RGS7: variants seen among roughly 807,000 people sequenced by gnomAD.
RGS7 encodes regulator of G-protein signaling 7.
Under a neutral mutation model 81.1 loss-of-function variants are expected in RGS7, and 27 were observed. That is an observed-to-expected ratio of 0.33 (90% CI 0.25 to 0.46). The LOEUF (loss-of-function observed/expected upper bound fraction) is 0.46, where lower values mean the gene tolerates loss of function less well. RGS7 is among the 20% of genes least tolerant of loss of function. The pLI is 1.00. For missense variants in RGS7, 396 were observed against 607.4 expected (o/e 0.65, Z 3.66); for synonymous variants, 208 against 207.7 (o/e 1.00, Z -0.01).
At chr1:241,011,781 C>A (rs2058968344) in intron 3 of RGS7, among the ~76,000 whole-genome samples, 1 of 152,112 alleles carries the variant, frequency 6.6e-6, no homozygotes, top group Non-Finnish European at 1.5e-5. Context: ...TCGATTCTTA[C>A]AAAACATAGT....
At chr1:241,165,762 C>T (rs907687849) in intron 2 of RGS7, among the ~76,000 whole-genome samples, 6 of 149,810 alleles carry the variant, frequency 4.0e-5, no homozygotes, top group South Asian at 2.1e-4. Flanking sequence ...CACATGTACC[C>T]TAAAACTTAA....
At chr1:241,125,675 G>A (rs1467603406) in intron 2 of RGS7, among the ~76,000 whole-genome samples, 2 of 152,222 alleles carry the variant, frequency 1.3e-5, no homozygotes, top group African/African-American at 4.8e-5. Context: ...TAGATGCATA[G>A]TAGGTGCTTA....
intron 2 of RGS7, among the ~76,000 whole-genome samples, chr1:241,251,157 T>C (rs188121169): frequency 1.1e-3 from 168 of 152,356 alleles, no homozygotes; most frequent in African/African-American, 3.8e-3. Context: ...AATAACTATT[T>C]TGATACTGAG....
intron 4 of RGS7, among the ~76,000 whole-genome samples, chr1:240,966,169 A>C: frequency 6.6e-6 from 1 of 151,932 alleles, no homozygotes; most frequent in East Asian, 1.9e-4. Flanking sequence ...AAACTATATA[A>C]AAAAAAAGTC....
chr1:241,128,256 C>G lies in RGS7; in HGVS notation c.79-29494G>C, dbSNP rs1307588713. Among the ~76,000 whole-genome samples, 8 of 122,114 alleles carry G rather than the reference C, an allele frequency of 6.6e-5. No individual in the cohort carries two copies. In the East Asian group the frequency reaches 1.5e-3, roughly 22 times the overall value. The allele number at this position is 122,114 out of a possible 152,430, so 80.1% of individuals were successfully genotyped here. Reference sequence around the variant, plus strand: ...TGCGCCACTGCACTCCAGCCTGGGCCACAGAGCAAGACTCCGTCTCAAAAA... The same window carrying G: ...TGCGCCACTGCACTCCAGCCTGGGCGACAGAGCAAGACTCCGTCTCAAAAA... On this transcript the variant is annotated intron_variant, in intron 2 of 18. Transcript: ENST00000440928.
At chr1:240,848,060 T>C (rs140271993) in intron 9 of RGS7, among the ~76,000 whole-genome samples, 191 of 152,316 alleles carry the variant, frequency 1.3e-3, no homozygotes, top group Middle Eastern at 6.8e-3. Flanking sequence ...TCAGGGGTTC[T>C]GCAAGATCAA....
intron 6 of RGS7, among the ~76,000 whole-genome samples, chr1:240,917,830 A>T (rs1279814067): frequency 6.6e-6 from 1 of 152,152 alleles, no homozygotes; most frequent in African/African-American, 2.4e-5. Flanking sequence ...ATCAGAGTGG[A>T]TATAAAACAG....
chr1:241,280,950 TC>T, intron 2 of RGS7, among the ~76,000 whole-genome samples: 1 of 152,366 alleles, frequency 6.6e-6, no homozygotes, highest in Admixed American at 6.5e-5. Flanking sequence ...ACTATTCAGG[TC>T]CATTTATATG....
chr1:241,303,704 C>G (rs538911710), intron 2 of RGS7, among the ~76,000 whole-genome samples: 3 of 152,340 alleles, frequency 2.0e-5, no homozygotes, highest in Admixed American at 2.0e-4. Context: ...CCCAACATCT[C>G]TCTTTTTTCT....
chr1:241,073,846 G>A (rs1348506193), intron 3 of RGS7, among the ~76,000 whole-genome samples: 4 of 151,356 alleles, frequency 2.6e-5, no homozygotes, highest in South Asian at 2.1e-4. Flanking sequence ...AGTTTATGCC[G>A]TACCTTAGCG....
intron 9 of RGS7, among the ~76,000 whole-genome samples, chr1:240,840,691 T>C (rs1657785102): frequency 6.6e-6 from 1 of 152,232 alleles, no homozygotes; most frequent in African/African-American, 2.4e-5. Context: ...TCATATCACT[T>C]ACCTCCACCT....
intron 2 of RGS7, among the ~76,000 whole-genome samples, chr1:241,126,401 G>A (rs1392190684): frequency 1.3e-5 from 2 of 152,108 alleles, no homozygotes; most frequent in East Asian, 3.9e-4. Context: ...CGCCCGCCTT[G>A]GCCTCCCAAA....
intron 2 of RGS7, among the ~76,000 whole-genome samples, chr1:241,167,521 C>CTT (rs146257362): frequency 4.1e-5 from 6 of 145,304 alleles, no homozygotes; most frequent in Admixed American, 1.4e-4. Context: ...TGGTCCTCCT[C>CTT]TTTTTTTTTT....
chr1:241,221,006 A>AGAGAGAAAGGAAGGAAGG (rs1553289481), intron 2 of RGS7, among the ~76,000 whole-genome samples: 13 of 84,548 alleles, frequency 1.5e-4, no homozygotes, highest in African/African-American at 4.0e-4. Context: ...AGAGAGAGAG[A>AGAGAGAAAGGAAGGAAGG]AAGGAAGGAA....
At chr1:240,972,026 C>T (rs901187970) in intron 4 of RGS7, among the ~76,000 whole-genome samples, 5 of 152,098 alleles carry the variant, frequency 3.3e-5, no homozygotes, top group Admixed American at 2.0e-4. Flanking sequence ...CTGTAATATA[C>T]GAGTTGAAAT....
chr1:241,044,011 C>T (rs985070418), intron 3 of RGS7, among the ~76,000 whole-genome samples: 2 of 152,092 alleles, frequency 1.3e-5, no homozygotes, highest in East Asian at 1.9e-4. Context: ...CTACTACAAT[C>T]TTTGTGCTAC....
intron 3 of RGS7, among the ~76,000 whole-genome samples, chr1:241,068,257 T>TATATATATATATATATATATATA (rs1433690559): frequency 4.1e-5 from 3 of 73,276 alleles, no homozygotes; most frequent in South Asian, 6.2e-4. Context: ...TATATATATA[T>TATATATATATATATATATATATA]AAAATATTGT....
chr1:240,822,102 T>C (rs1213982788), intron 10 of RGS7, among the ~76,000 whole-genome samples: 1 of 152,172 alleles, frequency 6.6e-6, no homozygotes, highest in Admixed American at 6.5e-5. Context: ...TCAATGGACT[T>C]TGAGTAAAGC....
chr1:240,803,567 T>G (rs921332223), intron 15 of RGS7, among the ~76,000 whole-genome samples: 1 of 152,184 alleles, frequency 6.6e-6, no homozygotes, highest in African/African-American at 2.4e-5. Flanking sequence ...GTGTGCTCTT[T>G]CTTATTACTT....
Sources: allele counts gnomAD v4.1 joint callset (sites outside exome capture counted in the v4.1 genomes callset), GRCh38; gene constraint gnomAD v4.1.1; transcripts MANE v1.5; gene names NCBI Gene and HGNC (gene_info 2026-07-23, HGNC 2026-07-21).